RUNX1T1: variants seen among roughly 807,000 people sequenced by gnomAD.
RUNX1T1 encodes RUNX1 partner transcriptional co-repressor 1, also known as protein CBFA2T1.
A neutral mutation model predicts 62.8 loss-of-function variants in RUNX1T1; 4 were observed. That is an observed-to-expected ratio of 0.06 (90% CI 0.03 to 0.15). RUNX1T1 has a LOEUF of 0.15. Ranked by LOEUF, RUNX1T1 falls within the 10% of genes least tolerant of loss-of-function variation. The pLI is 1.00. For synonymous variants in RUNX1T1, 291 were observed against 286.0 expected (o/e 1.02, Z -0.18); for missense variants, 508 against 754.3 (o/e 0.67, Z 3.82).
intron 6 of RUNX1T1, among the ~76,000 whole-genome samples, chr8:91,989,355 T>G (rs761391318): frequency 1.3e-5 from 2 of 152,200 alleles, no homozygotes; most frequent in Non-Finnish European, 2.9e-5. Context: ...TAACACACAC[T>G]AAACTCTGCC....
chr8:92,033,799 G>C (rs1427473014), intron 1 of RUNX1T1, among the ~76,000 whole-genome samples: 1 of 151,998 alleles, frequency 6.6e-6, no homozygotes, highest in African/African-American at 2.4e-5. Flanking sequence ...GTGAAACCCC[G>C]TCTCCACTAA....
downstream of RUNX1T1, chr8:91,958,877 G>C (rs760269271): frequency 5.4e-6 from 1 of 184,596 alleles, no homozygotes; most frequent in Non-Finnish European, 1.1e-5. Context: ...AATCCTATAA[G>C]AGAGTGAAAT....
intron 1 of RUNX1T1, among the ~76,000 whole-genome samples, chr8:92,078,458 T>C (rs1834757347): frequency 6.6e-6 from 1 of 152,094 alleles, no homozygotes; most frequent in African/African-American, 2.4e-5. Flanking sequence ...CTCAAATTTG[T>C]AAAACCTCAT....
exon 11 of RUNX1T1, chr8:91,959,239 GCCA>G (rs1809850442): frequency 4.6e-6 from 1 of 217,822 alleles, no homozygotes; most frequent in African/African-American, 2.2e-5. Context: ...TGGAGCTGAA[GCCA>G]CCATTTTTAA....
chr8:92,099,710 T>C (rs1412414825), upstream of RUNX1T1: 2 of 854,094 alleles, frequency 2.3e-6, no homozygotes, highest in Non-Finnish European at 2.8e-6. Context: ...AAGAAGGCTT[T>C]GCATTCAGTG....
chr8:91,972,200 T>C (rs944701294), intron 9 of RUNX1T1, among the ~76,000 whole-genome samples: 2 of 152,150 alleles, frequency 1.3e-5, no homozygotes, highest in African/African-American at 2.4e-5. Context: ...CAAGTACTCC[T>C]ATTGTTTCTT....
chr8:92,051,206 G>T (rs1830179316), intron 1 of RUNX1T1, among the ~76,000 whole-genome samples: 1 of 152,062 alleles, frequency 6.6e-6, no homozygotes, highest in African/African-American at 2.4e-5. Context: ...TGATTCCTCA[G>T]CATCTATAAC....
chr8:92,010,257 C>T (rs1821670859), intron 4 of RUNX1T1: 1 of 152,164 alleles, frequency 6.6e-6, no homozygotes, highest in African/African-American at 2.4e-5. Flanking sequence ...TCTGCTAAGC[C>T]CACTGTTAGT....
At chr8:92,022,127 A>T (rs920265358) in intron 1 of RUNX1T1, among the ~76,000 whole-genome samples, 1 of 150,708 alleles carries the variant, frequency 6.6e-6, no homozygotes, top group African/African-American at 2.5e-5. Flanking sequence ...GATATTTTTT[A>T]AAATTCCTCC....
At chr8:91,970,757 T>C in exon 10 of RUNX1T1, 1 of 1,613,888 alleles carries the variant, frequency 6.2e-7, no homozygotes, top group Admixed American at 1.7e-5. Context: ...CCCTCTCTGT[T>C]GTGATCATGT....
intron 4 of RUNX1T1, chr8:92,010,183 T>C (rs1821659420): frequency 6.6e-6 from 1 of 152,220 alleles, no homozygotes; most frequent in Admixed American, 6.5e-5. Context: ...AGAGGCTTCC[T>C]TGAGTGCTCA....
intron 1 of RUNX1T1, among the ~76,000 whole-genome samples, chr8:92,099,198 GAATA>G (rs1374057446): frequency 6.6e-6 from 1 of 152,068 alleles, no homozygotes; most frequent in Non-Finnish European, 1.5e-5. Context: ...TTTAGAAAAA[GAATA>G]AATTTTTTTC....
intron 4 of RUNX1T1, chr8:92,005,858 C>G (rs1323696158): frequency 6.6e-6 from 1 of 152,122 alleles, no homozygotes; most frequent in Non-Finnish European, 1.5e-5. Context: ...CAAGTTCAGA[C>G]AATAGTTAAG....
At chr8:91,956,835 A>AT (rs1246732578), downstream of RUNX1T1, 6 of 216,348 alleles carry the variant, frequency 2.8e-5, no homozygotes, top group East Asian at 1.4e-4. Flanking sequence ...ACAGTCTCCA[A>AT]TTTTTTTTCT....
intron 1 of RUNX1T1, among the ~76,000 whole-genome samples, chr8:92,026,845 C>T (rs1471224950): frequency 2.0e-5 from 3 of 148,450 alleles, no homozygotes; most frequent in Non-Finnish European, 4.4e-5. Flanking sequence ...CGGCCGGGCG[C>T]GGTGGCTCAC....
chr8:92,063,101 T>TAA, upstream of RUNX1T1: 22 of 299,500 alleles, frequency 7.3e-5, no homozygotes, highest in Non-Finnish European at 9.7e-5. Context: ...GGAACTGTAT[T>TAA]AAAAAAAAAA....
intron 1 of RUNX1T1, among the ~76,000 whole-genome samples, chr8:92,090,340 G>T (rs1363412200): frequency 6.6e-6 from 1 of 152,058 alleles, no homozygotes; most frequent in East Asian, 1.9e-4. Flanking sequence ...GGGAAATGCT[G>T]AGATCAAGAT....
At chr8:92,075,802 C>T (rs1314695107) in intron 2 of RUNX1T1, among the ~76,000 whole-genome samples, 163 bp downstream of exon 2, 1 of 152,048 alleles carries the variant, frequency 6.6e-6, no homozygotes, top group Non-Finnish European at 1.5e-5. Context: ...AATCCCCACA[C>T]CCAAAGATTT....
chr8:92,006,046 TACTGGTC>T (rs2131033698), intron 4 of RUNX1T1: 1 of 151,348 alleles, frequency 6.6e-6, no homozygotes, highest in South Asian at 2.1e-4. Flanking sequence ...AAATCCTGTA[TACTGGTC>T]ACTCTTCCTC....
Sources: gnomAD v4.1 joint callset for allele counts (sites outside exome capture counted in the v4.1 genomes callset) on GRCh38, gnomAD v4.1.1 for gene constraint, MANE v1.5 for transcripts, NCBI Gene and HGNC (gene_info 2026-07-23, HGNC 2026-07-21) for gene names.